BRINP1: variants seen among roughly 807,000 people sequenced by gnomAD.
BRINP1 encodes BMP/retinoic acid-inducible neural-specific protein 1.
Under a neutral mutation model 72.9 loss-of-function variants are expected in BRINP1, and 17 were observed. The ratio of observed to expected loss-of-function variants is 0.23; its 90% CI spans 0.16 to 0.35. BRINP1 has a LOEUF of 0.35. Ranked by LOEUF, BRINP1 falls within the 10% of genes least tolerant of loss-of-function variation. The pLI is 1.00. For synonymous variants in BRINP1, 418 were observed against 378.5 expected (o/e 1.10, Z -1.21); for missense variants, 850 against 1,001.6 (o/e 0.85, Z 2.04).
At chr9:119,349,595 T>A (rs1005841637) in intron 1 of BRINP1, among the ~76,000 whole-genome samples, 4 of 152,094 alleles carry the variant, frequency 2.6e-5, no homozygotes, top group Non-Finnish European at 4.4e-5. Flanking sequence ...GAACCCGGGG[T>A]TGGCCTAAAT....
chr9:119,362,632 T>C (rs1267372678), intron 1 of BRINP1, among the ~76,000 whole-genome samples: 4 of 152,190 alleles, frequency 2.6e-5, no homozygotes, highest in African/African-American at 7.2e-5. Context: ...CAGCTTTCAT[T>C]CTTTTTCACA....
chr9:119,287,972 T>G (rs1830783175), intron 2 of BRINP1, among the ~76,000 whole-genome samples: 1 of 152,092 alleles, frequency 6.6e-6, no homozygotes, highest in African/African-American at 2.4e-5. Flanking sequence ...AACCTGCACA[T>G]GTACCACTGA....
chr9:119,226,621 T>G (rs10818288), intron 5 of BRINP1, among the ~76,000 whole-genome samples: 64,315 of 151,728 alleles, frequency 0.42, 15,276 homozygotes, highest in East Asian at 0.67. Context: ...CTTTTTACAG[T>G]CATATACTCC....
At chr9:119,354,508 C>T (rs553054683) in intron 1 of BRINP1, among the ~76,000 whole-genome samples, 7 of 152,034 alleles carry the variant, frequency 4.6e-5, no homozygotes, top group African/African-American at 1.2e-4. Flanking sequence ...GAATCTCCAT[C>T]GAATCTCAGG....
At chr9:119,360,988 G>A (rs1252450157) in intron 1 of BRINP1, among the ~76,000 whole-genome samples, 4 of 152,132 alleles carry the variant, frequency 2.6e-5, no homozygotes, top group African/African-American at 9.7e-5. Flanking sequence ...TCCCAAGATG[G>A]CCCCAACTTC....
At chr9:119,214,729 G>C (rs1829961235) in intron 5 of BRINP1, among the ~76,000 whole-genome samples, 1 of 152,120 alleles carries the variant, frequency 6.6e-6, no homozygotes, top group Non-Finnish European at 1.5e-5. Context: ...AACAGCAGAA[G>C]ACTGCAAATA....
rs369614122 is a variant in BRINP1, at chr9:119,249,015, G to A, written c.354C>T (p.Ile118=). The stretch of plus-strand genomic sequence containing the variant: ...TGCCGTACTTTTTGATGATGGTATC[G>A]ATGAACTGCTGAGTGGTAGGTCTCC... The part of the protein sequence containing the change: ...LGRRPTTQQF[I]DTIIKKYGTH... The change falls in exon 3 of 8, where the codon ATC becomes ATT. Residue 118 remains isoleucine (I), a synonymous_variant. Coordinates refer to ENST00000265922, the MANE Select transcript of BRINP1 (RefSeq NM_014618.3). 5.0e-5 allele frequency: 80 copies of A among 1,613,922 alleles called. No individual in the cohort carries two copies. The highest frequency in any genetic ancestry group is 5.8e-5 in the Non-Finnish European group (69 of 1,179,986).
intron 2 of BRINP1, among the ~76,000 whole-genome samples, chr9:119,272,363 G>T (rs1830616341): frequency 6.6e-6 from 1 of 152,178 alleles, no homozygotes; most frequent in Non-Finnish European, 1.5e-5. Flanking sequence ...GATTATAGGA[G>T]TGAGCCACTG....
chr9:119,202,369 T>C (rs1829813527), intron 7 of BRINP1, among the ~76,000 whole-genome samples: 1 of 152,130 alleles, frequency 6.6e-6, no homozygotes, highest in Admixed American at 6.6e-5. Flanking sequence ...TTCAAGTTCA[T>C]CCCAATTGCA....
At chr9:119,277,691 C>G (rs996306683) in intron 2 of BRINP1, among the ~76,000 whole-genome samples, 3 of 152,148 alleles carry the variant, frequency 2.0e-5, no homozygotes, top group African/African-American at 7.2e-5. Context: ...GCCTGGTTAT[C>G]AGAGTTAGTG....
intron 7 of BRINP1, among the ~76,000 whole-genome samples, chr9:119,171,138 C>A (rs1426274422): frequency 2.7e-5 from 4 of 149,998 alleles, no homozygotes; most frequent in African/African-American, 9.8e-5. Context: ...ACACTATTAA[C>A]TTTAAATGTA....
intron 1 of BRINP1, among the ~76,000 whole-genome samples, chr9:119,347,178 A>G (rs1257492702): frequency 6.6e-6 from 1 of 152,122 alleles, no homozygotes; most frequent in Non-Finnish European, 1.5e-5. Flanking sequence ...TACCCTCAAG[A>G]ATAATTGCAA....
intron 2 of BRINP1, chr9:119,283,249 C>CTCAGCTGCT: frequency 1.1e-6 from 1 of 890,644 alleles, no homozygotes; most frequent in Non-Finnish European, 1.3e-6. Flanking sequence ...CTTCAGCTGC[C>CTCAGCTGCT]TCAGCATCAC....
At chr9:119,290,782 T>C (rs887718098) in intron 2 of BRINP1, among the ~76,000 whole-genome samples, 3 of 152,166 alleles carry the variant, frequency 2.0e-5, no homozygotes, top group African/African-American at 7.2e-5. Context: ...CAGTGCATTA[T>C]TAATCAGACT....
intron 7 of BRINP1, among the ~76,000 whole-genome samples, chr9:119,198,251 T>C (rs943188152): frequency 1.3e-5 from 2 of 152,234 alleles, no homozygotes; most frequent in Non-Finnish European, 2.9e-5. Flanking sequence ...ACTTCACGTT[T>C]TCAATTACCC....
Position 119,167,880 on chromosome 9 carries a change from G to A in BRINP1, c.1490C>T (p.Ser497Leu). ...GAAGGTGGTGTGGACGTAGAGGCGT[G>A]AGTCCATCTTCTGCAGCAGGTACTT... Reference protein sequence around the residue: ...ELKYLLQKMDSRLYVHTTFIS... With the variant: ...ELKYLLQKMDLRLYVHTTFIS... Residue 497 changes from serine to leucine, a missense_variant, in exon 8 of 8, where the codon TCA becomes TTA. Coordinates refer to ENST00000265922, the MANE Select transcript of BRINP1 (RefSeq NM_014618.3). This position sits in a 1 kb window ranked among gnomAD's most constrained non-coding sequence, Gnocchi z 4.3. 3 of 1,614,208 alleles carry A rather than the reference G, an allele frequency of 1.9e-6. No homozygotes were observed. Among genetic ancestry groups the A allele is most frequent in the Non-Finnish European group, 1.7e-6 (2 of 1,180,036 alleles).
At chr9:119,170,121 G>A (rs1180134155) in intron 7 of BRINP1, among the ~76,000 whole-genome samples, 3 of 152,134 alleles carry the variant, frequency 2.0e-5, no homozygotes, top group Admixed American at 2.0e-4. Flanking sequence ...ACGGAACAAA[G>A]CTGGATGGAG....
At position 119,208,814 on chromosome 9, in the gene BRINP1, C is replaced by T; in HGVS notation, c.1050G>A (p.Glu350=). Residue 350 remains glutamate, a synonymous_variant, in exon 7 of 8, where the codon GAG becomes GAA. Coordinates refer to ENST00000265922, the MANE Select transcript of BRINP1 (RefSeq NM_014618.3). ...TGCGTTGGATCTTTTGTCTCTGTGC[C>T]TCCGTGGCACTCTGCAGGAGCTTGT... The part of the protein sequence containing the change: ...NRYKLLQSAT[E]AQRQKIQRTA... The T allele has an allele frequency of 6.2e-7, 1 of 1,614,180 alleles. No individual in the cohort carries two copies. Among genetic ancestry groups the T allele is most frequent in the Non-Finnish European group, 8.5e-7 (1 of 1,180,036 alleles).
At chr9:119,221,606 A>C (rs908829651) in intron 5 of BRINP1, among the ~76,000 whole-genome samples, 1 of 152,172 alleles carries the variant, frequency 6.6e-6, no homozygotes, top group African/African-American at 2.4e-5. Context: ...GAGGAAAGGC[A>C]GATACCTGGG....
Sources: gnomAD v4.1 joint callset for allele counts (sites outside exome capture counted in the v4.1 genomes callset) on GRCh38, gnomAD v4.1.1 for gene constraint, Gnocchi (gnomAD v3.1) non-coding constraint, MANE v1.5 for transcripts, NCBI Gene and HGNC (gene_info 2026-07-23, HGNC 2026-07-21) for gene names.